The following SRBD1 variants were observed in gnomAD, a reference collection of about 807,000 sequenced individuals.
SRBD1 encodes the protein S1 RNA binding domain 1.
Under a neutral mutation model 115.3 loss-of-function variants are expected in SRBD1, and 88 were observed. The observed-to-expected ratio is 0.76, with a 90% CI of 0.64 to 0.91. The LOEUF is 0.91. Among genes scored for constraint, SRBD1 ranks in the 40% least tolerant of loss-of-function variants. The pLI, the probability that SRBD1 is intolerant of heterozygous loss-of-function variation, is 0.00. For synonymous variants in SRBD1, 509 were observed against 407.7 expected (o/e 1.25, Z -2.99); for missense variants, 1,385 against 1,177.4 (o/e 1.18, Z -2.58).
chr2:45,589,444 G>C (rs764825084), intron 4 of SRBD1, among the ~76,000 whole-genome samples: 2 of 152,240 alleles, frequency 1.3e-5, no homozygotes, highest in African/African-American at 2.4e-5. Context: ...ACCCTTGAAA[G>C]ATAGGCAAGA....
rs142444994 is a variant in SRBD1 at position 45,505,631 on chromosome 2, A to C, written c.1875-17300T>G. ...ATCCTTTTCAGTTATTCTAAAGTAAATAAGATGAATCTCCTGCATTTGCAC... is the reference window on the plus strand; with the variant it reads ...ATCCTTTTCAGTTATTCTAAAGTAACTAAGATGAATCTCCTGCATTTGCAC... On this transcript the variant is annotated intron_variant, in intron 14 of 20. Transcript: ENST00000263736. Among the ~76,000 whole-genome samples the C allele has an allele frequency of 2.3e-3, 351 of 152,322 alleles. 2 individuals are homozygous for C. The highest frequency in any genetic ancestry group is 8.2e-3 in the African/African-American group (343 of 41,578).
intron 16 of SRBD1, among the ~76,000 whole-genome samples, chr2:45,433,366 C>T (rs1460557533): frequency 6.6e-6 from 1 of 151,776 alleles, no homozygotes; most frequent in Admixed American, 6.6e-5. Context: ...CACCTCAAAA[C>T]GTCATGCTGT....
At position 45,585,713 on chromosome 2, in the gene SRBD1, T is replaced by C. The variant is rs1673499092; in HGVS notation, c.710A>G (p.Asn237Ser). The part of the protein sequence containing the change: ...WVCANIIRLF[N>S]DDNTIPFIIR... ...AATGAAGGGAATTGTGTTATCATCA[T>C]TAAAGAGACGAATGATGTTGGCACA... is the stretch of plus-strand genomic sequence containing the variant. The change falls in exon 5 of 21, where the codon AAT (asparagine) becomes AGT (serine). Residue 237 changes from asparagine (N) to serine (S), a missense_variant. Transcript: ENST00000263736. The C allele has an allele frequency of 1.2e-6, 2 of 1,612,564 alleles. No homozygotes were observed. The highest frequency in any genetic ancestry group is 8.5e-7 in the Non-Finnish European group (1 of 1,179,646).
chr2:45,586,524 T>A (rs1426026521), intron 4 of SRBD1, among the ~76,000 whole-genome samples: 1 of 152,160 alleles, frequency 6.6e-6, no homozygotes, highest in African/African-American at 2.4e-5. Flanking sequence ...ATACAACATC[T>A]TCAAGCTAAT....
At chr2:45,420,419 A>G (rs748295750) in intron 16 of SRBD1, among the ~76,000 whole-genome samples, 2 of 152,226 alleles carry the variant, frequency 1.3e-5, no homozygotes, top group Non-Finnish European at 2.9e-5. Context: ...GTTTCATCAA[A>G]TTGAAGACAG....
chr2:45,426,936 T>G (rs901523813), intron 16 of SRBD1, among the ~76,000 whole-genome samples: 3 of 152,158 alleles, frequency 2.0e-5, no homozygotes, highest in Non-Finnish European at 4.4e-5. Context: ...CCAGAATGCC[T>G]CTTCTCCTCT....
At chr2:45,398,234 T>C (rs1339041098) in intron 19 of SRBD1, among the ~76,000 whole-genome samples, 1 of 152,200 alleles carries the variant, frequency 6.6e-6, no homozygotes, top group Non-Finnish European at 1.5e-5. Context: ...GAAGTTGTTC[T>C]GAAAGCTCTT....
intron 16 of SRBD1, among the ~76,000 whole-genome samples, chr2:45,469,867 C>T (rs567513915): frequency 6.6e-6 from 1 of 152,296 alleles, no homozygotes; most frequent in Admixed American, 6.5e-5. Context: ...CAGTACAGCC[C>T]ATATCCTGGG....
intron 16 of SRBD1, among the ~76,000 whole-genome samples, chr2:45,435,479 A>G (rs1331817937): frequency 1.3e-5 from 2 of 151,878 alleles, no homozygotes; most frequent in African/African-American, 4.8e-5. Flanking sequence ...AGTTACTCAT[A>G]TAAGTGACAT....
chr2:45,522,138 G>A (rs771826259), intron 14 of SRBD1, among the ~76,000 whole-genome samples: 2 of 152,030 alleles, frequency 1.3e-5, no homozygotes, highest in South Asian at 4.2e-4. Flanking sequence ...CGTATAGATT[G>A]AGCATCCCAA....
At chr2:45,522,789 T>C (rs998259080) in intron 14 of SRBD1, among the ~76,000 whole-genome samples, 3 of 152,210 alleles carry the variant, frequency 2.0e-5, no homozygotes, top group African/African-American at 7.2e-5. Context: ...ACATTTTCTT[T>C]TCTCTGGCTT....
At chr2:45,589,139 G>T (rs1413830144) in intron 4 of SRBD1, among the ~76,000 whole-genome samples, 1 of 152,056 alleles carries the variant, frequency 6.6e-6, no homozygotes, top group African/African-American at 2.4e-5. Flanking sequence ...CATTACTACA[G>T]ATATTTCTAA....
intron 14 of SRBD1, among the ~76,000 whole-genome samples, chr2:45,511,008 A>T (rs1471504811): frequency 6.6e-6 from 1 of 152,226 alleles, no homozygotes; most frequent in Non-Finnish European, 1.5e-5. Flanking sequence ...CCAAGGTTAG[A>T]GATCCAGATA....
At chr2:45,488,678 T>C (rs1670196981) in intron 14 of SRBD1, among the ~76,000 whole-genome samples, 3 of 152,198 alleles carry the variant, frequency 2.0e-5, no homozygotes, top group Admixed American at 2.0e-4. Flanking sequence ...ACATAGCCTC[T>C]CCTGTATTTA....
At chr2:45,513,056 T>A (rs1671015467) in intron 14 of SRBD1, among the ~76,000 whole-genome samples, 1 of 152,078 alleles carries the variant, frequency 6.6e-6, no homozygotes. Context: ...AAGCTCTACT[T>A]TGCTGTCAAA....
intron 14 of SRBD1, among the ~76,000 whole-genome samples, chr2:45,522,812 CAA>C (rs1490617941): frequency 6.6e-6 from 1 of 152,236 alleles, no homozygotes; most frequent in East Asian, 1.9e-4. Context: ...TTTATTGTAA[CAA>C]TATCGAATAC....
At chr2:45,421,165 G>A (rs1667987070) in intron 16 of SRBD1, among the ~76,000 whole-genome samples, 2 of 152,146 alleles carry the variant, frequency 1.3e-5, no homozygotes, top group Admixed American at 6.5e-5. Context: ...AACAGCAACT[G>A]TAGGACACCA....
rs923264454 is a variant in SRBD1 at position 45,571,461 on chromosome 2, G to C, written c.1305+1746C>G. On this transcript the variant is annotated intron_variant, in intron 9 of 20. Coordinates refer to ENST00000263736, the MANE Select transcript of SRBD1 (RefSeq NM_018079.5). Reference sequence around the variant, plus strand: ...CAGCAACAACAAACAGGGGAGGGGAGAGAATCTGATTTCCAGAGTTACCAA... The same window carrying C: ...CAGCAACAACAAACAGGGGAGGGGACAGAATCTGATTTCCAGAGTTACCAA... Among the ~76,000 whole-genome samples the C allele has an allele frequency of 3.9e-5, 5 of 127,312 alleles. No individual in the cohort carries two copies. In the South Asian group the frequency reaches 1.3e-3, roughly 34 times the overall value. The allele number at this position is 127,312 out of a possible 152,430, so 83.5% of individuals were successfully genotyped here.
intron 1 of SRBD1, 99 bp downstream of exon 1, chr2:45,611,120 G>A (rs1201399355): frequency 6.6e-6 from 1 of 152,194 alleles, no homozygotes; most frequent in Non-Finnish European, 1.5e-5. Flanking sequence ...GCCCAAATGA[G>A]CGCTCAGAAC....
Sources: allele counts gnomAD v4.1 joint callset (sites outside exome capture counted in the v4.1 genomes callset), GRCh38; gene constraint gnomAD v4.1.1; transcripts MANE v1.5; gene names NCBI Gene and HGNC (gene_info 2026-07-23, HGNC 2026-07-21).